Variants in PCDHGA6 observed in about 807,000 individuals in gnomAD.
PCDHGA6 encodes the protein protocadherin gamma subfamily A, 6.
Under a neutral mutation model 60.6 loss-of-function variants are expected in PCDHGA6, and 41 were observed. The observed-to-expected ratio is 0.68, with a 90% CI of 0.53 to 0.88. PCDHGA6 has a LOEUF of 0.88. Ranked by LOEUF, PCDHGA6 falls within the 40% of genes least tolerant of loss-of-function variation. PCDHGA6 has a pLI of 0.00. For synonymous variants in PCDHGA6, 594 were observed against 524.4 expected, an observed-to-expected ratio of 1.13 and a Z score of -1.81; for missense variants, 1,312 against 1,203.0, an observed-to-expected ratio of 1.09 and a Z score of -1.34.
intron 1 of PCDHGA6, chr5:141,410,249 G>A (rs371076854): frequency 1.2e-6 from 2 of 1,613,992 alleles, no homozygotes; most frequent in Non-Finnish European, 8.5e-7. Flanking sequence ...TGTACTCTCT[G>A]ACCCCCAGGC....
intron 1 of PCDHGA6, chr5:141,422,520 G>A (rs759529752): frequency 1.9e-6 from 3 of 1,613,946 alleles, no homozygotes; most frequent in South Asian, 2.2e-5. Flanking sequence ...AGGGAAGCCC[G>A]CCTTTGTCTG....
intron 1 of PCDHGA6, among the ~76,000 whole-genome samples, chr5:141,481,109 A>G (rs959629019): frequency 6.6e-6 from 1 of 152,186 alleles, no homozygotes; most frequent in Non-Finnish European, 1.5e-5. Flanking sequence ...GGAACCTACC[A>G]ATCCATCATT....
chr5:141,506,177 G>A (rs1024892091), intron 3 of PCDHGA6, among the ~76,000 whole-genome samples: 16 of 152,142 alleles, frequency 1.1e-4, no homozygotes, highest in Admixed American at 4.6e-4. Flanking sequence ...TAAGCTGGGC[G>A]TGGTGGCTCA....
Position 141,389,991 on chromosome 5 carries a change from G to C in PCDHGA6, c.2424+13484G>C, listed in dbSNP as rs561094692. The C allele has an allele frequency of 4.3e-6, 7 of 1,613,898 alleles. No homozygotes were observed. The Admixed American group carries it at 5.0e-5, about 12-fold the overall frequency. ...GGCCTTGATCTCAGTGCTCTTCCTC[G>C]TGGCCATGATTCTGGCCATTGCCTT... On this transcript the variant is annotated intron_variant, in intron 1 of 3. Transcript: ENST00000517434.
At chr5:141,478,598 A>C in intron 1 of PCDHGA6, 1 of 1,566,350 alleles carries the variant, frequency 6.4e-7, no homozygotes, top group South Asian at 1.2e-5. Flanking sequence ...TTATTCCTAC[A>C]TCATATTGAG....
At chr5:141,419,751 C>T (rs140649685) in intron 1 of PCDHGA6, 1 of 1,613,900 alleles carries the variant, frequency 6.2e-7, no homozygotes, top group African/African-American at 1.3e-5. Flanking sequence ...ATGGTGCGTG[C>T]TTTGGGTGAC....
At chr5:141,383,665 C>T (rs1779352748) in intron 1 of PCDHGA6, 2 of 1,613,970 alleles carry the variant, frequency 1.2e-6, no homozygotes, top group Non-Finnish European at 1.7e-6. Flanking sequence ...CGAGAATGTG[C>T]CAGTGGGTAC....
intron 1 of PCDHGA6, among the ~76,000 whole-genome samples, chr5:141,472,131 A>C (rs565506002): frequency 6.6e-6 from 1 of 152,264 alleles, no homozygotes; most frequent in Non-Finnish European, 1.5e-5. Flanking sequence ...AGAGAAGTTA[A>C]AAATAAAAGT....
At chr5:141,390,611 C>A (rs1248320569) in intron 1 of PCDHGA6, 1 of 295,950 alleles carries the variant, frequency 3.4e-6, no homozygotes, top group Admixed American at 4.8e-5. Context: ...CATTTTCCTT[C>A]TTGTTGACTA....
intron 1 of PCDHGA6, chr5:141,423,850 A>G: frequency 1.6e-6 from 2 of 1,278,674 alleles, no homozygotes; most frequent in East Asian, 3.1e-5. Flanking sequence ...ATCTTTCAGA[A>G]CGTTTTTGTG....
intron 1 of PCDHGA6, chr5:141,424,621 T>C (rs560809778): frequency 6.6e-6 from 1 of 152,346 alleles, no homozygotes; most frequent in Non-Finnish European, 1.5e-5. Context: ...TAGAGTAGTT[T>C]GTGAATATAT....
intron 1 of PCDHGA6, chr5:141,410,904 A>G (rs2095446600): frequency 3.8e-6 from 1 of 262,528 alleles, no homozygotes; most frequent in African/African-American, 3.2e-5. Flanking sequence ...CCTAGGCTGG[A>G]GTGCAGTGGC....
chr5:141,481,913 C>CAAAAAAAAAAAAA (rs34114744), intron 1 of PCDHGA6, among the ~76,000 whole-genome samples: 1 of 90,852 alleles, frequency 1.1e-5, no homozygotes. Flanking sequence ...AACTCCATCT[C>CAAAAAAAAAAAAA]AAAAAAAAAA....
chr5:141,426,733 G>A (rs62378459), intron 1 of PCDHGA6: 13,670 of 449,336 alleles, frequency 0.03, 288 homozygotes, highest in Middle Eastern at 0.11. Context: ...CCAGGCATTC[G>A]GTTTGGCCTG....
Position 141,418,471 on chromosome 5 carries a change from G to T in PCDHGA6, c.2424+41964G>T, listed in dbSNP as rs199547102. 57 of 1,614,002 alleles carry T rather than the reference G, an allele frequency of 3.5e-5. No homozygotes were observed. In the African/African-American group the frequency reaches 5.7e-4, roughly 16 times the overall value. ...TGCAGAAGACTCTGGACCGAGAAACGCAGAGCGCTCACCACTTGGTACTGA... is the reference window on the plus strand; with the variant it reads ...TGCAGAAGACTCTGGACCGAGAAACTCAGAGCGCTCACCACTTGGTACTGA... On this transcript the variant is annotated intron_variant, in intron 1 of 3. Coordinates refer to ENST00000517434, the MANE Select transcript of PCDHGA6 (RefSeq NM_018919.3).
At chr5:141,478,712 G>T in intron 1 of PCDHGA6, 1 of 1,547,046 alleles carries the variant, frequency 6.5e-7, no homozygotes, top group Non-Finnish European at 8.7e-7. Flanking sequence ...TTTGTGAGAT[G>T]GTGGCCTGCC....
At chr5:141,421,813 G>A in intron 1 of PCDHGA6, 1 of 1,613,838 alleles carries the variant, frequency 6.2e-7, no homozygotes, top group Non-Finnish European at 8.5e-7. Flanking sequence ...TCCAGAGCTA[G>A]TACTGGAGGG....
chr5:141,510,222 G>A (rs891688596), intron 3 of PCDHGA6, among the ~76,000 whole-genome samples: 3 of 151,498 alleles, frequency 2.0e-5, no homozygotes, highest in Admixed American at 6.6e-5. Context: ...GCAGTGAGCC[G>A]GGATCGCGCC....
intron 1 of PCDHGA6, chr5:141,416,902 C>T (rs1364019748): frequency 1.3e-5 from 2 of 152,020 alleles, no homozygotes; most frequent in Non-Finnish European, 2.9e-5. Flanking sequence ...GGAAGGAAAG[C>T]ACACTCTTTA....
Sources: gnomAD v4.1 joint callset for allele counts (sites outside exome capture counted in the v4.1 genomes callset) on GRCh38, gnomAD v4.1.1 for gene constraint, MANE v1.5 for transcripts, NCBI Gene and HGNC (gene_info 2026-07-23, HGNC 2026-07-21) for gene names.